Variants in KCNQ5 observed in about 807,000 individuals in gnomAD.
The protein encoded by KCNQ5 is potassium voltage-gated channel subfamily Q member 5.
KCNQ5 carries 30 observed loss-of-function variants against 98.2 expected under a neutral mutation model. The observed-to-expected ratio is 0.31, with a 90% confidence interval of 0.23 to 0.41. KCNQ5 has a LOEUF of 0.41. Ranked by LOEUF, KCNQ5 falls within the 10% of genes least tolerant of loss-of-function variation. The pLI is 1.00. For missense variants in KCNQ5, 835 were observed against 1,182.5 expected (o/e 0.71, Z 4.31); for synonymous variants, 458 against 449.4 (o/e 1.02, Z -0.24).
chr6:72,634,131 T>C (rs995028759), intron 1 of KCNQ5, among the ~76,000 whole-genome samples: 1 of 152,204 alleles, frequency 6.6e-6, no homozygotes, highest in African/African-American at 2.4e-5. Flanking sequence ...GGTAGAGTAA[T>C]TATAAAAACT....
At chr6:72,974,815 C>T (rs984158218) in intron 1 of KCNQ5, among the ~76,000 whole-genome samples, 2 of 151,918 alleles carry the variant, frequency 1.3e-5, no homozygotes, top group African/African-American at 4.8e-5. Flanking sequence ...TCTCGGCTCA[C>T]TGCAACCTCC....
chr6:72,665,831 T>TTA (rs1565067785), intron 1 of KCNQ5, among the ~76,000 whole-genome samples: 2 of 152,196 alleles, frequency 1.3e-5, no homozygotes, highest in African/African-American at 4.8e-5. Flanking sequence ...CACTGCTATA[T>TTA]TATATTACAG....
chr6:72,639,198 A>G (rs181517005), intron 1 of KCNQ5, among the ~76,000 whole-genome samples: 1 of 152,340 alleles, frequency 6.6e-6, no homozygotes, highest in East Asian at 1.9e-4. Context: ...GAAGAGAAAG[A>G]TTTGCAAAAG....
intron 10 of KCNQ5, among the ~76,000 whole-genome samples, chr6:73,158,580 T>C (rs1398040953): frequency 6.6e-6 from 1 of 152,206 alleles, no homozygotes; most frequent in Non-Finnish European, 1.5e-5. Flanking sequence ...AGATTTTTTT[T>C]CTTCATTCTG....
chr6:72,648,371 T>A (rs1210502194), intron 1 of KCNQ5, among the ~76,000 whole-genome samples: 1 of 152,068 alleles, frequency 6.6e-6, no homozygotes, highest in African/African-American at 2.4e-5. Flanking sequence ...AATGAGTAAA[T>A]AACTGGCAGT....
chr6:72,936,654 A>T (rs980290853), intron 1 of KCNQ5, among the ~76,000 whole-genome samples: 1 of 152,226 alleles, frequency 6.6e-6, no homozygotes, highest in African/African-American at 2.4e-5. Context: ...CTGAAATTAT[A>T]ACCACAGAAA....
At chr6:73,046,611 C>CTGTTTTATTTTATTT (rs759105407) in intron 3 of KCNQ5, among the ~76,000 whole-genome samples, 2 of 128,322 alleles carry the variant, frequency 1.6e-5, no homozygotes, top group Admixed American at 1.6e-4. Flanking sequence ...TTATTTTATT[C>CTGTTTTATTTTATTT]TATTTTATTT....
chr6:73,097,263 ACT>A (rs1334504126), intron 5 of KCNQ5, among the ~76,000 whole-genome samples: 1 of 149,214 alleles, frequency 6.7e-6, no homozygotes, highest in Non-Finnish European at 1.5e-5. Context: ...CCAGCATACT[ACT>A]CTCTTCTACC....
chr6:72,882,560 G>C (rs1448698819), intron 1 of KCNQ5, among the ~76,000 whole-genome samples: 1 of 152,178 alleles, frequency 6.6e-6, no homozygotes, highest in Non-Finnish European at 1.5e-5. Context: ...TTCAGGGAAA[G>C]TCCAAGACAT....
At chr6:73,010,173 G>A (rs1769996659) in intron 2 of KCNQ5, among the ~76,000 whole-genome samples, 1 of 152,110 alleles carries the variant, frequency 6.6e-6, no homozygotes, top group Non-Finnish European at 1.5e-5. Flanking sequence ...AGGGGATTTA[G>A]TCCTTCAATG....
At chr6:72,894,272 TTAA>T (rs1229123273) in intron 1 of KCNQ5, among the ~76,000 whole-genome samples, 5 of 152,194 alleles carry the variant, frequency 3.3e-5, no homozygotes, top group Non-Finnish European at 7.3e-5. Flanking sequence ...GTGGGTTCAT[TTAA>T]AGAGGAAGTA....
chr6:72,761,342 C>A (rs9293912), intron 1 of KCNQ5, among the ~76,000 whole-genome samples: 18,925 of 151,932 alleles, frequency 0.12, 3,866 homozygotes, highest in African/African-American at 0.42. Context: ...CAATAGAATT[C>A]TAAAGGTATT....
chr6:72,754,664 G>A (rs1247484384), intron 1 of KCNQ5, among the ~76,000 whole-genome samples: 4 of 151,822 alleles, frequency 2.6e-5, no homozygotes, highest in Admixed American at 6.6e-5. Flanking sequence ...AAATGTTGCT[G>A]TATGGGATCT....
At chr6:72,779,873 G>C (rs1773369589) in intron 1 of KCNQ5, among the ~76,000 whole-genome samples, 2 of 128,138 alleles carry the variant, frequency 1.6e-5, no homozygotes, top group Admixed American at 1.5e-4. Flanking sequence ...GTGTGTGTGT[G>C]TGTGTGTGTA....
At chr6:73,132,418 T>C (rs1215542209) in intron 9 of KCNQ5, among the ~76,000 whole-genome samples, 2 of 152,056 alleles carry the variant, frequency 1.3e-5, no homozygotes, top group East Asian at 3.9e-4. Flanking sequence ...ACAGAATGGG[T>C]ACACAAAGCT....
At chr6:72,873,546 A>G (rs777607834) in intron 1 of KCNQ5, among the ~76,000 whole-genome samples, 2 of 152,098 alleles carry the variant, frequency 1.3e-5, no homozygotes, top group Admixed American at 6.6e-5. Context: ...TGCTTACATG[A>G]TATTTCTGCT....
intron 1 of KCNQ5, among the ~76,000 whole-genome samples, chr6:72,743,939 G>A (rs977535274): frequency 3.3e-5 from 5 of 152,184 alleles, no homozygotes; most frequent in African/African-American, 1.2e-4. Flanking sequence ...CCCATAGGCA[G>A]AAGTTCATTT....
At chr6:73,176,545 A>G (rs1433090057) in intron 11 of KCNQ5, among the ~76,000 whole-genome samples, 1 of 152,234 alleles carries the variant, frequency 6.6e-6, no homozygotes, top group African/African-American at 2.4e-5. Context: ...GAAAACTTGG[A>G]AAGATGACTC....
chr6:72,897,918 TCTC>T (rs1433287361), intron 1 of KCNQ5, among the ~76,000 whole-genome samples: 1 of 152,246 alleles, frequency 6.6e-6, no homozygotes, highest in Non-Finnish European at 1.5e-5. Flanking sequence ...TAGTATCTAT[TCTC>T]TCTACACTTC....
Sources: allele counts gnomAD v4.1 joint callset (sites outside exome capture counted in the v4.1 genomes callset), GRCh38; gene constraint gnomAD v4.1.1; transcripts MANE v1.5; gene names NCBI Gene and HGNC (gene_info 2026-07-23, HGNC 2026-07-21).